The following ARHGAP18 variants were observed in gnomAD, a reference collection of about 807,000 sequenced individuals.
ARHGAP18 encodes Rho GTPase activating protein 18.
ARHGAP18 carries 67 observed loss-of-function variants against 86.2 expected under a neutral mutation model. The observed-to-expected ratio is 0.78, with a 90% CI of 0.64 to 0.95. The LOEUF is 0.95. Ranked by LOEUF, ARHGAP18 falls within the 40% of genes least tolerant of loss-of-function variation. The pLI, the probability that ARHGAP18 is intolerant of heterozygous loss-of-function variation, is 0.00. For synonymous variants in ARHGAP18, 283 were observed against 280.4 expected (o/e 1.01, Z -0.09); for missense variants, 691 against 780.4 (o/e 0.89, Z 1.37).
Position 129,607,957 on chromosome 6 carries a change from G to A in ARHGAP18, c.1218C>T (p.Phe406=), listed in dbSNP as rs370262467. 2.5e-6 allele frequency: 4 copies of A among 1,609,850 alleles called. No individual in the cohort carries two copies. Among genetic ancestry groups the A allele is most frequent in the Non-Finnish European group, 3.4e-6 (4 of 1,178,332 alleles). Residue 406 remains phenylalanine, a synonymous_variant, in exon 9 of 15, where the codon TTC becomes TTT. Transcript: ENST00000368149. ...GCAGTGGCTGGGGCAACTCCCGAAT[G>A]AAGAGCTTCAGCAGGCTGGCGGCAT... ...QHDAASLLKL[F]IRELPQPLLS... is the part of the protein sequence containing the mutation.
At chr6:129,671,493 G>T (rs1774139787) in intron 1 of ARHGAP18, among the ~76,000 whole-genome samples, 1 of 152,044 alleles carries the variant, frequency 6.6e-6, no homozygotes, top group Admixed American at 6.6e-5. Context: ...GAGCCTGGGG[G>T]TTCAAGATCA....
Position 129,710,170 on chromosome 6 carries a change from AC to A in ARHGAP18, c.-35del. On this transcript the variant is annotated 5_prime_UTR_variant, in exon 1 of 15. Coordinates refer to ENST00000368149, the MANE Select transcript of ARHGAP18 (RefSeq NM_033515.3). ...AAGGGACATACTTTCTGCGATCCTG[AC>A]ACAGAGAAGGGGAAAGAAGTTCCTG... is the stretch of plus-strand genomic sequence containing the variant. 1 of 1,536,082 alleles carries A rather than the reference AC, an allele frequency of 6.5e-7. No individual in the cohort carries two copies. Among genetic ancestry groups the A allele is most frequent in the Non-Finnish European group, 9.0e-7 (1 of 1,112,080 alleles).
At chr6:129,639,976 C>G (rs1176253242) in intron 2 of ARHGAP18, among the ~76,000 whole-genome samples, 1 of 136,580 alleles carries the variant, frequency 7.3e-6, no homozygotes, top group Non-Finnish European at 1.5e-5. Context: ...ACCTGGGAGG[C>G]AGAGGTTGCA....
At chr6:129,647,562 C>G (rs1200111098) in intron 1 of ARHGAP18, among the ~76,000 whole-genome samples, 4 of 152,072 alleles carry the variant, frequency 2.6e-5, no homozygotes, top group African/African-American at 7.2e-5. Flanking sequence ...TGTTCCCTAT[C>G]CCACTTTTAT....
intron 1 of ARHGAP18, among the ~76,000 whole-genome samples, chr6:129,648,444 G>T (rs1317983282): frequency 6.6e-6 from 1 of 150,896 alleles, no homozygotes; most frequent in Admixed American, 6.6e-5. Context: ...GATTACAGGT[G>T]TAAGCCACTG....
chr6:129,587,081 C>A (rs1788409302), intron 12 of ARHGAP18, among the ~76,000 whole-genome samples: 1 of 152,142 alleles, frequency 6.6e-6, no homozygotes, highest in Non-Finnish European at 1.5e-5. Context: ...ATGAATCATT[C>A]AAAATTACTT....
intron 1 of ARHGAP18, among the ~76,000 whole-genome samples, chr6:129,675,367 G>A (rs1214451945): frequency 7.0e-6 from 1 of 143,572 alleles, no homozygotes; most frequent in African/African-American, 2.7e-5. Flanking sequence ...CTGGGCAACA[G>A]AGCGAGACTC....
chr6:129,642,600 G>C (rs1773492295), intron 1 of ARHGAP18, among the ~76,000 whole-genome samples: 1 of 151,946 alleles, frequency 6.6e-6, no homozygotes, highest in African/African-American at 2.4e-5. Context: ...CCAGGCATAA[G>C]ACTCATTTAA....
intron 6 of ARHGAP18, 148 bp downstream of exon 6, chr6:129,618,539 C>T (rs894884213): frequency 1.4e-6 from 1 of 711,674 alleles, no homozygotes; most frequent in Non-Finnish European, 2.2e-6. Flanking sequence ...CTTTTGAAGG[C>T]AACATCTTAG....
intron 12 of ARHGAP18, among the ~76,000 whole-genome samples, chr6:129,587,717 T>TATGGTGCCACAATTCAGGC (rs1325538911): frequency 2.0e-5 from 3 of 152,092 alleles, no homozygotes; most frequent in Non-Finnish European, 2.9e-5. Context: ...ATGATTCAAT[T>TATGGTGCCACAATTCAGGC]ACCTCCTACC....
At chr6:129,644,381 T>TA (rs1233987120) in intron 1 of ARHGAP18, among the ~76,000 whole-genome samples, 3 of 152,280 alleles carry the variant, frequency 2.0e-5, no homozygotes, top group South Asian at 2.1e-4. Flanking sequence ...CTCTTAAAAA[T>TA]AAAAAATATA....
At chr6:129,633,972 A>T (rs9375645) in intron 4 of ARHGAP18, 70 bp downstream of exon 4, 2 of 1,335,486 alleles carry the variant, frequency 1.5e-6, no homozygotes, top group Non-Finnish European at 2.1e-6. Flanking sequence ...GTAATGTTTT[A>T]TAAGACTGTA....
chr6:129,629,619 T>A, intron 4 of ARHGAP18, 97 bp from the exon 5 acceptor site: 1 of 1,277,934 alleles, frequency 7.8e-7, no homozygotes, highest in Non-Finnish European at 1.1e-6. Flanking sequence ...TTGGGAAGAG[T>A]ACTATTTTCT....
chr6:129,616,267 A>G lies in ARHGAP18; in HGVS notation c.989T>C (p.Leu330Ser), dbSNP rs1304034011. Residue 330 changes from leucine to serine, a missense_variant, in exon 7 of 15, where the codon TTA (leucine) becomes TCA (serine). Leu to Ser is a moderately radical substitution (Grantham distance 145). Coordinates refer to ENST00000368149, the MANE Select transcript of ARHGAP18 (RefSeq NM_033515.3). The part of the protein sequence containing the change: ...GLFCVPLTAL[L>S]EQDQRKVPGM... ...TGGTACTTTCCTCTGATCTTGTTCT[A>G]ATAGCGCTGTCAATGGAACGCAAAA... is the stretch of plus-strand genomic sequence containing the variant. 6.2e-6 allele frequency: 10 copies of G among 1,611,208 alleles called. No individual in the cohort carries two copies. The highest frequency in any genetic ancestry group is 8.5e-6 in the Non-Finnish European group (10 of 1,178,484).
rs139337360 is a variant in ARHGAP18 at position 129,657,571 on chromosome 6, A to C, written c.114-15553T>G. On this transcript the variant is annotated intron_variant, in intron 1 of 14. Transcript: ENST00000368149. Reference sequence around the variant, plus strand: ...TCCCAAATGACAAGGATGAGTATTCAAACACAGGGCAACCATCTGCATCGC... The same window carrying C: ...TCCCAAATGACAAGGATGAGTATTCCAACACAGGGCAACCATCTGCATCGC... 4.8e-3 allele frequency among the ~76,000 whole-genome samples: 727 copies of C among 152,310 alleles called. 4 individuals are homozygous for C. Among genetic ancestry groups the C allele is most frequent in the African/African-American group, 0.017 (691 of 41,562 alleles).
At chr6:129,638,299 A>G (rs1773374597) in intron 3 of ARHGAP18, 95 bp downstream of exon 3, 1 of 1,236,682 alleles carries the variant, frequency 8.1e-7, no homozygotes, top group Non-Finnish European at 1.2e-6. Flanking sequence ...AGAATAGGTG[A>G]TCATTACGTT....
At chr6:129,708,206 TCTC>T (rs1489561442) in intron 1 of ARHGAP18, among the ~76,000 whole-genome samples, 2 of 152,038 alleles carry the variant, frequency 1.3e-5, no homozygotes, top group Non-Finnish European at 2.9e-5. Context: ...GCTCCCATCT[TCTC>T]CGGTCAATAT....
At chr6:129,604,841 C>G (rs2114453459) in intron 10 of ARHGAP18, among the ~76,000 whole-genome samples, 1 of 152,252 alleles carries the variant, frequency 6.6e-6, no homozygotes, top group African/African-American at 2.4e-5. Context: ...AGCGTTTTAC[C>G]TCCAGTAATC....
chr6:129,578,671 C>T (rs1788228575), intron 14 of ARHGAP18, 67 bp from the exon 15 acceptor site: 4 of 1,313,474 alleles, frequency 3.0e-6, no homozygotes, highest in Non-Finnish European at 4.3e-6. Context: ...TAAACTTAAG[C>T]TTAATTATTT....
Sources: gnomAD v4.1 joint callset for allele counts (sites outside exome capture counted in the v4.1 genomes callset) on GRCh38, gnomAD v4.1.1 for gene constraint, MANE v1.5 for transcripts, NCBI Gene and HGNC (gene_info 2026-07-23, HGNC 2026-07-21) for gene names.